Variants in TANK observed in about 807,000 individuals in gnomAD.
TANK encodes the protein TRAF family member-associated NF-kappa-B activator.
A neutral mutation model predicts 43.6 loss-of-function variants in TANK; 15 were observed. The ratio of observed to expected loss-of-function variants is 0.34; its 90% CI spans 0.23 to 0.53. The LOEUF is 0.53. Ranked by LOEUF, TANK falls within the 20% of genes least tolerant of loss-of-function variation. TANK has a pLI of 0.94. For synonymous variants in TANK, 162 were observed against 178.2 expected (o/e 0.91, Z 0.73); for missense variants, 417 against 498.6 (o/e 0.84, Z 1.56).
intron 2 of TANK, among the ~76,000 whole-genome samples, chr2:161,180,610 C>T (rs1316306333): frequency 6.6e-6 from 1 of 152,072 alleles, no homozygotes. Context: ...ATAGGATTCT[C>T]TCCTTTTTAT....
chr2:161,171,419 TC>T (rs1684933002), intron 1 of TANK, among the ~76,000 whole-genome samples: 1 of 152,180 alleles, frequency 6.6e-6, no homozygotes, highest in Non-Finnish European at 1.5e-5. Context: ...CACAATTACT[TC>T]TAATAAAACA....
Position 161,203,567 on chromosome 2 carries a change from T to C in TANK, c.180T>C (p.Ser60=), listed in dbSNP as rs766641276. ...LQQTIIDKLK[S]QLLLVNSTQD... ...AGACTATTATTGACAAGCTAAAATC[T>C]CAGTTACTTCTTGTGAATTCCACTC... is the stretch of plus-strand genomic sequence containing the variant. The change falls in exon 3 of 8, where the codon TCT becomes TCC. Residue 60 remains serine (S), a synonymous_variant. Transcript: ENST00000392749. The C allele has an allele frequency of 1.2e-6, 2 of 1,611,094 alleles. No individual in the cohort carries two copies. Among genetic ancestry groups the C allele is most frequent in the Non-Finnish European group, 1.7e-6 (2 of 1,178,672 alleles).
At chr2:161,189,737 A>G (rs1685828065) in intron 2 of TANK, among the ~76,000 whole-genome samples, 1 of 152,230 alleles carries the variant, frequency 6.6e-6, no homozygotes, top group Non-Finnish European at 1.5e-5. Context: ...TTGTGTTTCT[A>G]TACATTAACA....
At chr2:161,218,920 A>G (rs983331201) in intron 4 of TANK, among the ~76,000 whole-genome samples, 39 of 152,174 alleles carry the variant, frequency 2.6e-4, no homozygotes, top group African/African-American at 8.4e-4. Flanking sequence ...ACCACCATGC[A>G]CAGCACAGAT....
intron 1 of TANK, among the ~76,000 whole-genome samples, chr2:161,143,658 A>G (rs1251226850): frequency 6.6e-6 from 1 of 152,106 alleles, no homozygotes; most frequent in African/African-American, 2.4e-5. Flanking sequence ...CGTCCCAGGG[A>G]TGAAGCTGAC....
intron 6 of TANK, among the ~76,000 whole-genome samples, chr2:161,225,307 T>C (rs1009161139): frequency 5.3e-5 from 8 of 152,080 alleles, no homozygotes; most frequent in Admixed American, 1.3e-4. Context: ...GGCCTGATGG[T>C]GCACTACAGC....
intron 2 of TANK, among the ~76,000 whole-genome samples, chr2:161,202,438 C>G (rs1686463885): frequency 6.6e-6 from 1 of 151,968 alleles, no homozygotes; most frequent in Non-Finnish European, 1.5e-5. Flanking sequence ...ATCCACCTAC[C>G]TCAGCCTCCC....
intron 4 of TANK, among the ~76,000 whole-genome samples, chr2:161,221,326 C>T (rs1687329331): frequency 6.6e-6 from 1 of 152,062 alleles, no homozygotes; most frequent in Admixed American, 6.5e-5. Context: ...TCAAAATTCC[C>T]TTGCTTTCTT....
At chr2:161,225,981 C>T (rs1687595880) in intron 6 of TANK, among the ~76,000 whole-genome samples, 1 of 152,090 alleles carries the variant, frequency 6.6e-6, no homozygotes, top group Non-Finnish European at 1.5e-5. Context: ...TTGTCATTTT[C>T]ATGAGAAATT....
chr2:161,164,479 C>T (rs1251045006), intron 1 of TANK, among the ~76,000 whole-genome samples: 2 of 152,090 alleles, frequency 1.3e-5, no homozygotes, highest in Non-Finnish European at 2.9e-5. Flanking sequence ...TAACAAAAAT[C>T]GCTTTATAGT....
chr2:161,143,644 CTTGCGTCCCAGGGATG>C (rs773032016), intron 1 of TANK, among the ~76,000 whole-genome samples: 3 of 151,922 alleles, frequency 2.0e-5, no homozygotes, highest in Non-Finnish European at 4.4e-5. Context: ...TTGAACCAAC[CTTGCGTCCCAGGGATG>C]AAGCTGACTT....
intron 1 of TANK, chr2:161,137,872 G>A (rs3769983): frequency 0.42 from 65,683 of 154,720 alleles, 14,636 homozygotes; most frequent in Admixed American, 0.54. Flanking sequence ...TACTTAGGAG[G>A]CTGAGGCAGG....
chr2:161,232,025 A>G (rs969468372), intron 7 of TANK, among the ~76,000 whole-genome samples: 1 of 152,176 alleles, frequency 6.6e-6, no homozygotes, highest in Non-Finnish European at 1.5e-5. Context: ...GAATACTTCT[A>G]CTACATCTTC....
In TANK at chr2:161,197,278, CTT is replaced by C. The variant is rs1686197356; in HGVS notation, c.100-6207_100-6206del. ...TTTAATCGTTTAGTCCATTTTGTCT[CTT>C]TGTAAACTTCGAACAATCAGGTGTT... On this transcript the variant is annotated intron_variant, in intron 2 of 7. Transcript: ENST00000392749. 2.0e-5 allele frequency: 3 copies of C among 152,312 alleles called. No individual in the cohort carries two copies. In the South Asian group the frequency reaches 6.2e-4, roughly 32 times the overall value. The allele number at this position is 152,312 out of a possible 1,614,324, so 9.4% of individuals were successfully genotyped here.
rs1687975999 is a variant in TANK, at chr2:161,232,653, C to T, written c.1101+1102C>T. 25 of 1,398,750 alleles carry T rather than the reference C, an allele frequency of 1.8e-5. No individual in the cohort carries two copies. In the South Asian group the frequency reaches 3.8e-4, roughly 21 times the overall value. The allele number at this position is 1,398,750 out of a possible 1,614,324, so 86.6% of individuals were successfully genotyped here. ...AATTTCATTTATTGCAAGTAGAATT[C>T]CTGTGGAGCTGTGAAGTGCATCAGT... On this transcript the variant is annotated intron_variant, in intron 7 of 7. Transcript: ENST00000392749.
upstream of TANK, among the ~76,000 whole-genome samples, chr2:161,157,610 T>C (rs1053279685): frequency 6.6e-6 from 1 of 152,238 alleles, no homozygotes; most frequent in Non-Finnish European, 1.5e-5. Flanking sequence ...TAGTAACTGT[T>C]TATATTGCCA....
intron 6 of TANK, among the ~76,000 whole-genome samples, chr2:161,229,330 A>T (rs1400374037): frequency 6.6e-6 from 1 of 152,198 alleles, no homozygotes; most frequent in Non-Finnish European, 1.5e-5. Flanking sequence ...GCCTTTTCTG[A>T]GATCTGAGGG....
intron 1 of TANK, among the ~76,000 whole-genome samples, chr2:161,138,698 G>C (rs1204922760): frequency 2.6e-5 from 4 of 152,184 alleles, no homozygotes; most frequent in African/African-American, 7.2e-5. Flanking sequence ...TGGGGACCTA[G>C]AGCAATGTCT....
At position 161,235,384 on chromosome 2, in the gene TANK, G is replaced by A; in HGVS notation, c.1144G>A (p.Val382Ile). The change falls in exon 8 of 8, where the codon GTA becomes ATA. Residue 382 changes from valine (V) to isoleucine (I), a missense_variant. Transcript: ENST00000392749. ...PFPNQDSDSVVLSGTDSELHI... is the reference protein window; with the variant it reads ...PFPNQDSDSVILSGTDSELHI... ...TCCTAATCAAGACAGTGACTCGGTG[G>A]TACTAAGTGGCACAGACTCAGAACT... is the stretch of plus-strand genomic sequence containing the variant. 1 of 1,612,420 alleles carries A rather than the reference G, an allele frequency of 6.2e-7. No individual in the cohort carries two copies. Among genetic ancestry groups the A allele is most frequent in the South Asian group, 1.1e-5 (1 of 90,892 alleles).
Sources: gnomAD v4.1 joint callset for allele counts (sites outside exome capture counted in the v4.1 genomes callset) on GRCh38, gnomAD v4.1.1 for gene constraint, MANE v1.5 for transcripts, NCBI Gene and HGNC (gene_info 2026-07-23, HGNC 2026-07-21) for gene names.